SDK2: variants seen among roughly 807,000 people sequenced by gnomAD.
The protein encoded by SDK2 is protein sidekick-2.
SDK2 carries 105 observed loss-of-function variants against 253.9 expected under a neutral mutation model. The observed-to-expected ratio is 0.41, with a 90% confidence interval of 0.35 to 0.49. SDK2 has a LOEUF of 0.49. SDK2 is among the 20% of genes least tolerant of loss of function. The pLI is 0.06. For synonymous variants in SDK2, 1,249 were observed against 1,234.9 expected (o/e 1.01, Z -0.24); for missense variants, 2,608 against 3,003.0 (o/e 0.87, Z 3.07).
At chr17:73,565,648 T>C (rs1275665622) in intron 1 of SDK2, among the ~76,000 whole-genome samples, 1 of 152,216 alleles carries the variant, frequency 6.6e-6, no homozygotes, top group Non-Finnish European at 1.5e-5. Flanking sequence ...CTAATATGGT[T>C]CAGGTATTTA....
chr17:73,486,559 A>G (rs2063770499), intron 2 of SDK2, among the ~76,000 whole-genome samples: 1 of 146,776 alleles, frequency 6.8e-6, no homozygotes, highest in African/African-American at 2.5e-5. Flanking sequence ...ACAGTAAGCT[A>G]TGATTGCACC....
At chr17:73,506,894 A>AG (rs1366014297) in intron 2 of SDK2, among the ~76,000 whole-genome samples, 1 of 152,252 alleles carries the variant, frequency 6.6e-6, no homozygotes, top group Non-Finnish European at 1.5e-5. Flanking sequence ...AAGGCCAGTC[A>AG]GGCCCAAGAG....
At chr17:73,356,186 G>A (rs79216352) in intron 40 of SDK2, among the ~76,000 whole-genome samples, 8 of 152,190 alleles carry the variant, frequency 5.3e-5, no homozygotes, top group Admixed American at 2.0e-4. Context: ...CCTGCCCAAC[G>A]CAGTCAGGTG....
chr17:73,338,026 G>C lies in SDK2; in HGVS notation c.*561C>G, dbSNP rs538807338. 49 of 166,738 alleles carry C rather than the reference G, an allele frequency of 2.9e-4. No individual in the cohort carries two copies. Among genetic ancestry groups the C allele is most frequent in the Non-Finnish European group, 5.8e-4 (45 of 77,148 alleles). 10.3% of individuals were successfully genotyped at this position (166,738 alleles called of 1,614,324 possible). On this transcript the variant is annotated 3_prime_UTR_variant, in exon 45 of 45. Coordinates refer to ENST00000392650, the MANE Select transcript of SDK2 (RefSeq NM_001144952.2). This position sits in a 1 kb window ranked among gnomAD's most constrained non-coding sequence, Gnocchi z 5.0. The stretch of plus-strand genomic sequence containing the variant: ...CAGTAGAGGTTGCCAAGACAGGGCA[G>C]GGGGTCTGGATGAGGCTGTCCGATG...
At chr17:73,419,991 C>T (rs1418483665) in intron 15 of SDK2, among the ~76,000 whole-genome samples, 8 of 152,154 alleles carry the variant, frequency 5.3e-5, no homozygotes. Flanking sequence ...TCATGAGTGT[C>T]CAAGTGTTCT....
At position 73,338,385 on chromosome 17, in the gene SDK2, G is replaced by C. The variant is rs1043086347; in HGVS notation, c.*202C>G. The C allele has an allele frequency of 2.9e-6, 2 of 692,210 alleles. No homozygotes were observed. The highest frequency in any genetic ancestry group is 5.3e-6 in the Non-Finnish European group (2 of 378,478). The allele number at this position is 692,210 out of a possible 1,614,324, so 42.9% of individuals were successfully genotyped here. ...CCCACCATCTCAAAGCTGAAGAGCTGCTGGCCACACACATCCTCTCACGGT... is the reference window on the plus strand; with the variant it reads ...CCCACCATCTCAAAGCTGAAGAGCTCCTGGCCACACACATCCTCTCACGGT... On this transcript the variant is annotated 3_prime_UTR_variant, in exon 45 of 45. Transcript: ENST00000392650. The surrounding 1 kb of genome is among the most constrained non-coding windows in gnomAD (Gnocchi z 5.0).
At chr17:73,604,669 G>A (rs2045884584) in intron 1 of SDK2, among the ~76,000 whole-genome samples, 1 of 152,188 alleles carries the variant, frequency 6.6e-6, no homozygotes, top group South Asian at 2.1e-4. Flanking sequence ...GAGAGAGAAA[G>A]GATAGCATTA....
intron 17 of SDK2, 147 bp downstream of exon 17, chr17:73,415,664 C>A (rs2145570420): frequency 1.5e-6 from 1 of 676,406 alleles, no homozygotes; most frequent in East Asian, 2.8e-5. Context: ...ATTTTTTTCA[C>A]TTTTTGTAGA....
At chr17:73,399,049 T>C in intron 22 of SDK2, 119 bp downstream of exon 22, 1 of 954,050 alleles carries the variant, frequency 1.0e-6, no homozygotes, top group Non-Finnish European at 1.6e-6. Context: ...TGGAGTATAA[T>C]GGGCCATTGA....
chr17:73,571,435 A>T (rs72845767), intron 1 of SDK2, among the ~76,000 whole-genome samples: 2 of 152,062 alleles, frequency 1.3e-5, no homozygotes, highest in African/African-American at 2.4e-5. Flanking sequence ...TGCCCACAGG[A>T]CACTCTGGGT....
At chr17:73,632,077 G>A (rs1336618950) in intron 1 of SDK2, among the ~76,000 whole-genome samples, 1 of 152,206 alleles carries the variant, frequency 6.6e-6, no homozygotes, top group Admixed American at 6.5e-5. Flanking sequence ...CTTGGGAGGG[G>A]CAACAGCCGT....
At chr17:73,565,285 G>A (rs1246840956) in intron 1 of SDK2, among the ~76,000 whole-genome samples, 1 of 152,132 alleles carries the variant, frequency 6.6e-6, no homozygotes, top group East Asian at 1.9e-4. Flanking sequence ...TACACATGGG[G>A]CCAATCCCAA....
At chr17:73,615,896 CAT>C (rs770519150) in intron 1 of SDK2, among the ~76,000 whole-genome samples, 3 of 152,174 alleles carry the variant, frequency 2.0e-5, no homozygotes, top group Non-Finnish European at 4.4e-5. Context: ...TTCACACATA[CAT>C]ATATGTACAC....
intron 1 of SDK2, among the ~76,000 whole-genome samples, chr17:73,543,159 T>G (rs2044896948): frequency 1.3e-5 from 2 of 152,156 alleles, no homozygotes; most frequent in Non-Finnish European, 2.9e-5. Context: ...CCGGCAGCCT[T>G]CCATTTACTG....
At chr17:73,440,139 C>T (rs2145630287) in intron 6 of SDK2, among the ~76,000 whole-genome samples, 1 of 148,074 alleles carries the variant, frequency 6.8e-6, no homozygotes, top group East Asian at 2.0e-4. Flanking sequence ...TGGAGTTTCA[C>T]TCTTGTTGAC....
chr17:73,419,682 C>G (rs1375397911), intron 15 of SDK2, among the ~76,000 whole-genome samples: 2 of 135,544 alleles, frequency 1.5e-5, no homozygotes, highest in African/African-American at 5.5e-5. Flanking sequence ...CCAGCCTGGG[C>G]AACATGGCAA....
chr17:73,365,510 C>T (rs996686236), intron 37 of SDK2, 115 bp from the exon 38 acceptor site: 52 of 1,098,446 alleles, frequency 4.7e-5, no homozygotes, highest in African/African-American at 2.1e-4. Flanking sequence ...GGAACAAGAG[C>T]GTGGGGCTCG....
intron 18 of SDK2, among the ~76,000 whole-genome samples, chr17:73,407,135 CA>C (rs2063085826): frequency 6.6e-6 from 1 of 152,186 alleles, no homozygotes; most frequent in Non-Finnish European, 1.5e-5. Context: ...AAACAACAAC[CA>C]TTTCTGGAAT....
chr17:73,595,941 G>A (rs932356763), intron 1 of SDK2, among the ~76,000 whole-genome samples: 4 of 152,096 alleles, frequency 2.6e-5, no homozygotes, highest in Admixed American at 6.6e-5. Flanking sequence ...TGGCTTAGGC[G>A]GCCTGATGGA....
Sources: allele counts gnomAD v4.1 joint callset (sites outside exome capture counted in the v4.1 genomes callset), GRCh38; gene constraint gnomAD v4.1.1; non-coding constraint Gnocchi (gnomAD v3.1); transcripts MANE v1.5; gene names NCBI Gene and HGNC (gene_info 2026-07-23, HGNC 2026-07-21).